The following CCT6B variants were observed in gnomAD, a reference collection of about 807,000 sequenced individuals.
The protein encoded by CCT6B is probable T-complex protein 1 subunit zeta-2.
A neutral mutation model predicts 61.5 loss-of-function variants in CCT6B; 49 were observed. The observed-to-expected ratio is 0.80, with a 90% confidence interval of 0.63 to 1.01. CCT6B has a LOEUF of 1.01. Ranked by LOEUF, CCT6B falls within the 50% of genes least tolerant of loss-of-function variation. CCT6B has a pLI of 0.00. For missense variants in CCT6B, 666 were observed against 634.7 expected, an observed-to-expected ratio of 1.05 and a Z score of -0.53; for synonymous variants, 228 against 214.5, an observed-to-expected ratio of 1.06 and a Z score of -0.55.
intron 5 of CCT6B, among the ~76,000 whole-genome samples, chr17:34,947,347 G>A (rs1356318354): frequency 6.6e-6 from 1 of 152,062 alleles, no homozygotes; most frequent in East Asian, 1.9e-4. Context: ...TCCATACCTA[G>A]CTACATCATA....
intron 8 of CCT6B, among the ~76,000 whole-genome samples, chr17:34,940,338 C>T (rs1277043319): frequency 2.0e-5 from 3 of 152,128 alleles, no homozygotes; most frequent in Non-Finnish European, 4.4e-5. Context: ...TTTCCTTATA[C>T]TTCAACAAAG....
At chr17:34,930,030 A>G (rs2142131681) in intron 12 of CCT6B, among the ~76,000 whole-genome samples, 1 of 152,202 alleles carries the variant, frequency 6.6e-6, no homozygotes, top group Non-Finnish European at 1.5e-5. Flanking sequence ...TTCTCTACAA[A>G]GTGGAGAGTG....
chr17:34,935,838 C>T (rs72823644), intron 10 of CCT6B, among the ~76,000 whole-genome samples: 43,646 of 149,062 alleles, frequency 0.29, 6,909 homozygotes, highest in Non-Finnish European at 0.37. Flanking sequence ...GCCTGGGCAA[C>T]GAAGTGAGAC....
At chr17:34,955,970 A>G (rs1317518987) in intron 3 of CCT6B, among the ~76,000 whole-genome samples, 2 of 152,182 alleles carry the variant, frequency 1.3e-5, no homozygotes, top group South Asian at 2.1e-4. Context: ...AATGTCTTCA[A>G]GCTAGGACCC....
intron 3 of CCT6B, among the ~76,000 whole-genome samples, chr17:34,955,720 GTTGACA>G (rs1282747461): frequency 6.6e-6 from 1 of 152,086 alleles, no homozygotes; most frequent in Non-Finnish European, 1.5e-5. Context: ...ATCTTTAAAA[GTTGACA>G]TTGAGTATTT....
At chr17:34,929,266 T>G (rs2090007012) in intron 12 of CCT6B, among the ~76,000 whole-genome samples, 1 of 152,070 alleles carries the variant, frequency 6.6e-6, no homozygotes, top group African/African-American at 2.4e-5. Flanking sequence ...ACCACACTCT[T>G]CTGGTTTTCT....
chr17:34,951,417 T>C (rs1020878469), intron 5 of CCT6B, among the ~76,000 whole-genome samples: 1 of 152,202 alleles, frequency 6.6e-6, no homozygotes, highest in Non-Finnish European at 1.5e-5. Flanking sequence ...TAGCTAACAG[T>C]TATGTGGAAA....
At chr17:34,938,301 C>T (rs962745852) in intron 10 of CCT6B, among the ~76,000 whole-genome samples, 10 of 152,080 alleles carry the variant, frequency 6.6e-5, no homozygotes, top group African/African-American at 2.2e-4. Flanking sequence ...TGTGGTGGCT[C>T]GTGCCTACAA....
At chr17:34,936,396 T>A (rs541193922) in intron 10 of CCT6B, among the ~76,000 whole-genome samples, 1 of 152,176 alleles carries the variant, frequency 6.6e-6, no homozygotes, top group East Asian at 1.9e-4. Flanking sequence ...GGAAAGGATG[T>A]CCATTCTCAT....
intron 10 of CCT6B, among the ~76,000 whole-genome samples, chr17:34,933,265 T>C (rs958669607): frequency 6.6e-6 from 1 of 152,220 alleles, no homozygotes; most frequent in Admixed American, 6.5e-5. Context: ...AGAAAAAATT[T>C]AAGTGGTATT....
rs1384154614 is a variant in CCT6B, at chr17:34,942,474, T to A, written c.885+10A>T. The A allele has an allele frequency of 1.9e-6, 3 of 1,580,596 alleles. No individual in the cohort carries two copies. The highest frequency in any genetic ancestry group is 2.6e-6 in the Non-Finnish European group (3 of 1,169,110). On this transcript the variant is annotated intron_variant, in intron 7 of 13. Transcript: ENST00000314144. ...TTACAAATAACTAAAATCTAAACTT[T>A]CTTTCTCACCTTTTGATTAATGACG...
chr17:34,929,805 C>T (rs1029900640), intron 12 of CCT6B, among the ~76,000 whole-genome samples: 13 of 152,220 alleles, frequency 8.5e-5, no homozygotes, highest in African/African-American at 3.1e-4. Context: ...TGAGCCACTG[C>T]GCCTGGCCTG....
chr17:34,949,293 TA>T (rs909216941), intron 5 of CCT6B, among the ~76,000 whole-genome samples: 29 of 147,084 alleles, frequency 2.0e-4, no homozygotes, highest in Admixed American at 2.0e-4. Context: ...CCATCTCTAC[TA>T]AAAAAAAAAT....
At chr17:34,934,907 T>A (rs145992389) in intron 10 of CCT6B, among the ~76,000 whole-genome samples, 2 of 152,294 alleles carry the variant, frequency 1.3e-5, no homozygotes, top group East Asian at 3.9e-4. Context: ...TGAATACATA[T>A]GTAAAAATTC....
intron 12 of CCT6B, among the ~76,000 whole-genome samples, chr17:34,930,526 C>T (rs1375255418): frequency 6.6e-6 from 1 of 152,098 alleles, no homozygotes; most frequent in Non-Finnish European, 1.5e-5. Context: ...CAACAGACAT[C>T]TAGATGATGC....
At chr17:34,958,899 A>G (rs2090379049) in intron 2 of CCT6B, among the ~76,000 whole-genome samples, 2 of 152,202 alleles carry the variant, frequency 1.3e-5, no homozygotes, top group African/African-American at 2.4e-5. Context: ...AACATTTCAT[A>G]AAAGTCTTTG....
chr17:34,937,948 G>A (rs2090113276), intron 10 of CCT6B, among the ~76,000 whole-genome samples: 2 of 151,478 alleles, frequency 1.3e-5, no homozygotes, highest in Admixed American at 6.6e-5. Context: ...GAGTGCAGTG[G>A]TGTGATCATA....
At chr17:34,947,359 T>G (rs1345812924) in intron 5 of CCT6B, among the ~76,000 whole-genome samples, 1 of 152,072 alleles carries the variant, frequency 6.6e-6, no homozygotes, top group East Asian at 1.9e-4. Flanking sequence ...TACATCATAG[T>G]AAAAGTATAC....
intron 11 of CCT6B, among the ~76,000 whole-genome samples, chr17:34,931,351 T>C (rs1293468831): frequency 1.3e-5 from 2 of 152,156 alleles, no homozygotes; most frequent in African/African-American, 4.8e-5. Context: ...TTTTGTTTTG[T>C]TTTGTTTTTA....
Sources: gnomAD v4.1 joint callset for allele counts (sites outside exome capture counted in the v4.1 genomes callset) on GRCh38, gnomAD v4.1.1 for gene constraint, MANE v1.5 for transcripts, NCBI Gene and HGNC (gene_info 2026-07-23, HGNC 2026-07-21) for gene names.